BNC2: variants seen among roughly 807,000 people sequenced by gnomAD.
BNC2 encodes zinc finger protein basonuclin-2.
A neutral mutation model predicts 76.3 loss-of-function variants in BNC2; 20 were observed. That is an observed-to-expected ratio of 0.26 (90% CI 0.18 to 0.38). BNC2 has a LOEUF of 0.38. Among genes scored for constraint, BNC2 ranks in the 10% least tolerant of loss-of-function variants. The probability of loss-of-function intolerance (pLI) is 1.00; values close to 1 mark genes in which losing one functional copy is unlikely to be tolerated. For synonymous variants in BNC2, 582 were observed against 514.8 expected (o/e 1.13, Z -1.77); for missense variants, 1,382 against 1,399.8 (o/e 0.99, Z 0.20).
In BNC2 at chr9:16,552,704, G is replaced by A; in HGVS notation, c.495C>T (p.Ser165=). The part of the protein sequence containing the change: ...YHPTQVEIVQ[S]NVVFDISSLM... ...GGCTGCTGATGTCAAACACGACGTT[G>A]GACTGCACAATCTCCACTTGGGTGG... Residue 165 remains serine, a synonymous_variant, in exon 5 of 7, where the codon TCC becomes TCT. Transcript: ENST00000380672. 1 of 1,614,198 alleles carries A rather than the reference G, an allele frequency of 6.2e-7. No individual in the cohort carries two copies. Among genetic ancestry groups the A allele is most frequent in the Non-Finnish European group, 8.5e-7 (1 of 1,180,034 alleles).
chr9:16,704,120 T>A (rs1823591922), intron 3 of BNC2, among the ~76,000 whole-genome samples: 1 of 152,188 alleles, frequency 6.6e-6, no homozygotes, highest in Non-Finnish European at 1.5e-5. Context: ...CACATGAATA[T>A]TTTATAAAGG....
chr9:16,784,691 G>A (rs758614017), intron 1 of BNC2, among the ~76,000 whole-genome samples: 14 of 152,228 alleles, frequency 9.2e-5, no homozygotes, highest in Admixed American at 2.0e-4. Context: ...AATCACTAGA[G>A]TATCCTAGAG....
chr9:16,618,035 C>T (rs1032199265), intron 3 of BNC2, among the ~76,000 whole-genome samples: 2 of 152,156 alleles, frequency 1.3e-5, no homozygotes, highest in Non-Finnish European at 2.9e-5. Flanking sequence ...CGCCACTTTA[C>T]GGTGACTAAA....
chr9:16,473,042 T>A (rs1353819887), intron 5 of BNC2: 1 of 152,248 alleles, frequency 6.6e-6, no homozygotes, highest in Non-Finnish European at 1.5e-5. Context: ...GACACACATC[T>A]GGGAGACTAC....
rs1161924096 is a variant in BNC2 at position 16,411,513 on chromosome 9, T to C, written c.*7476A>G. 1.3e-5 allele frequency: 2 copies of C among 152,644 alleles called. No individual in the cohort carries two copies. Among genetic ancestry groups the C allele is most frequent in the East Asian group, 3.8e-4 (2 of 5,200 alleles). The allele number at this position is 152,644 out of a possible 1,614,324, so 9.5% of individuals were successfully genotyped here. On this transcript the variant is annotated 3_prime_UTR_variant, in exon 7 of 7. Transcript: ENST00000380672. ...AGCTAGTATCAGCGAGCAGAACTTG[T>C]GCAATTTTGGCAACTGGTTTTTCAA...
chr9:16,755,196 G>C (rs1451438905), intron 1 of BNC2, among the ~76,000 whole-genome samples: 1 of 152,146 alleles, frequency 6.6e-6, no homozygotes, highest in African/African-American at 2.4e-5. Flanking sequence ...AGTTCAAAAA[G>C]AGAGAGCAAG....
rs34855187 is a variant in BNC2, at chr9:16,463,294, C to CTTTTTTTTTTTTTTTTTTT, written c.670-25789_670-25771dup. ...ACTGTGAGCATACAAGTATTAAATTCTTTTTTTTTTTTTTTTTTTTGAGAC... is the reference window on the plus strand; with the variant it reads ...ACTGTGAGCATACAAGTATTAAATTCTTTTTTTTTTTTTTTTTTTTTTTTTTTTTTTTTTTTTTTGAGAC... On this transcript the variant is annotated intron_variant, in intron 5 of 6. Transcript: ENST00000380672. Among the ~76,000 whole-genome samples, 2 of 105,606 alleles carry CTTTTTTTTTTTTTTTTTTT rather than the reference C, an allele frequency of 1.9e-5. 1 individual carries two copies. The highest frequency in any genetic ancestry group is 8.5e-5 in the African/African-American group (2 of 23,526). The allele number at this position is 105,606 out of a possible 152,430, so 69.3% of individuals were successfully genotyped here.
chr9:16,432,137 TG>T (rs2130801682), intron 6 of BNC2, among the ~76,000 whole-genome samples: 1 of 152,318 alleles, frequency 6.6e-6, no homozygotes, highest in East Asian at 1.9e-4. Context: ...TGTATTAGCT[TG>T]CTCTTTGTCA....
chr9:16,769,394 TTCTC>T (rs947140761), intron 1 of BNC2, among the ~76,000 whole-genome samples: 5 of 152,166 alleles, frequency 3.3e-5, no homozygotes, highest in African/African-American at 1.2e-4. Context: ...AGAAGGATCA[TTCTC>T]TCCCATTTTA....
chr9:16,543,297 T>C (rs1167178308), intron 5 of BNC2, among the ~76,000 whole-genome samples: 1 of 152,226 alleles, frequency 6.6e-6, no homozygotes, highest in Non-Finnish European at 1.5e-5. Flanking sequence ...GCTTTTTGTA[T>C]GGCTAGAGAG....
intron 5 of BNC2, among the ~76,000 whole-genome samples, chr9:16,534,095 A>G (rs564608498): frequency 6.6e-6 from 1 of 152,146 alleles, no homozygotes; most frequent in Non-Finnish European, 1.5e-5. Flanking sequence ...ATGAATTACT[A>G]CTGTTATGAT....
At chr9:16,691,970 C>A (rs1318228209) in intron 3 of BNC2, among the ~76,000 whole-genome samples, 1 of 151,972 alleles carries the variant, frequency 6.6e-6, no homozygotes, top group East Asian at 1.9e-4. Flanking sequence ...GCCACCATGC[C>A]TGGCTAATTT....
chr9:16,487,143 TA>T (rs1028127529), intron 5 of BNC2, among the ~76,000 whole-genome samples: 2 of 152,214 alleles, frequency 1.3e-5, no homozygotes, highest in Non-Finnish European at 2.9e-5. Flanking sequence ...GGCAAGACAG[TA>T]AGCCTGGGGC....
Position 16,594,804 on chromosome 9 carries a change from TC to T in BNC2, c.331-11720del, listed in dbSNP as rs148543470. Among the ~76,000 whole-genome samples the T allele has an allele frequency of 4.5e-3, 678 of 152,264 alleles. 6 individuals are homozygous for T. The highest frequency in any genetic ancestry group is 0.016 in the African/African-American group (664 of 41,554). ...CCACAGCTACTAATCCAGGGCTCTT[TC>T]TACTCAGCCTGGGCATGGGAGGAAA... On this transcript the variant is annotated intron_variant, in intron 3 of 6. Transcript: ENST00000380672.
At chr9:16,672,574 T>C (rs753642679) in intron 3 of BNC2, among the ~76,000 whole-genome samples, 2 of 152,100 alleles carry the variant, frequency 1.3e-5, no homozygotes, top group Admixed American at 1.3e-4. Flanking sequence ...CAAAATGAAA[T>C]CATAATTACG....
At chr9:16,492,521 A>C (rs1028648170) in intron 5 of BNC2, among the ~76,000 whole-genome samples, 1 of 152,182 alleles carries the variant, frequency 6.6e-6, no homozygotes, top group African/African-American at 2.4e-5. Context: ...TTTCTACTGC[A>C]TATGATTTCT....
At chr9:16,444,651 G>T (rs905542514) in intron 5 of BNC2, among the ~76,000 whole-genome samples, 11 of 152,214 alleles carry the variant, frequency 7.2e-5, no homozygotes, top group African/African-American at 2.7e-4. Flanking sequence ...CCACATGTGG[G>T]TTGGAAAGAG....
chr9:16,491,409 T>C lies in BNC2; in HGVS notation c.670-53885A>G, dbSNP rs1822277192. Among the ~76,000 whole-genome samples, 7 of 152,270 alleles carry C rather than the reference T, an allele frequency of 4.6e-5. No individual in the cohort carries two copies. In the South Asian group the frequency reaches 1.5e-3, roughly 32 times the overall value. ...CATGCATTTCTCAGAAATGACAAGA[T>C]CTGGTAATGACAAAACTTAAGAGGA... On this transcript the variant is annotated intron_variant, in intron 5 of 6. Coordinates refer to ENST00000380672, the MANE Select transcript of BNC2 (RefSeq NM_017637.6).
intron 5 of BNC2, among the ~76,000 whole-genome samples, chr9:16,535,965 C>T (rs1349197317): frequency 1.3e-5 from 2 of 152,048 alleles, no homozygotes; most frequent in African/African-American, 2.4e-5. Context: ...CTCCACTGCC[C>T]CAACCAACAG....
Sources: gnomAD v4.1 joint callset for allele counts (sites outside exome capture counted in the v4.1 genomes callset) on GRCh38, gnomAD v4.1.1 for gene constraint, MANE v1.5 for transcripts, NCBI Gene and HGNC (gene_info 2026-07-23, HGNC 2026-07-21) for gene names.